The following FAS variants were observed in gnomAD, a reference collection of about 807,000 sequenced individuals.
FAS encodes the protein Fas cell surface death receptor.
Under a neutral mutation model 33.2 loss-of-function variants are expected in FAS, and 5 were observed. That is an observed-to-expected ratio of 0.15 (90% CI 0.08 to 0.32). The LOEUF (loss-of-function observed/expected upper bound fraction) is 0.32, where lower values mean the gene tolerates loss of function less well. Among genes scored for constraint, FAS ranks in the 10% least tolerant of loss-of-function variants. The probability of loss-of-function intolerance (pLI) is 1.00; values close to 1 mark genes in which losing one functional copy is unlikely to be tolerated. For missense variants in FAS, 339 were observed against 386.0 expected (o/e 0.88, Z 1.02); for synonymous variants, 131 against 130.7 (o/e 1.00, Z -0.01).
chr10:88,984,690 C>A (rs999516469), upstream of FAS, among the ~76,000 whole-genome samples: 4 of 151,602 alleles, frequency 2.6e-5, no homozygotes, highest in Non-Finnish European at 5.9e-5. Flanking sequence ...TTTAGTTATT[C>A]ATGAAACCAC....
Position 88,994,890 on chromosome 10 carries a change from C to CAT in FAS, c.30+3995_30+3996dup, listed in dbSNP as rs554650902. Among the ~76,000 whole-genome samples, 245 of 149,960 alleles carry CAT rather than the reference C, an allele frequency of 1.6e-3. 1 individual carries two copies. The highest frequency in any genetic ancestry group is 2.8e-3 in the Non-Finnish European group (192 of 67,512). The stretch of plus-strand genomic sequence containing the variant: ...AGCATTTCTTAAATGTACTGGGATA[C>CAT]ATATATATATATGACTTTTTCTTGT... On this transcript the variant is annotated intron_variant, in intron 1 of 8. Coordinates refer to ENST00000652046, the MANE Select transcript of FAS (RefSeq NM_000043.6).
upstream of FAS, chr10:88,990,466 C>T: frequency 1.9e-6 from 1 of 525,108 alleles, no homozygotes. This position sits in a 1 kb window ranked among gnomAD's most constrained non-coding sequence, Gnocchi z 4.9. Flanking sequence ...AGGAACGCCC[C>T]GGGACAGGAA....
At chr10:88,964,189 C>T (rs1035151823) in intron 1 of FAS, among the ~76,000 whole-genome samples, 1 of 151,982 alleles carries the variant, frequency 6.6e-6, no homozygotes, top group African/African-American at 2.4e-5. Flanking sequence ...AAAGAATTCT[C>T]TCTCTATTCT....
At chr10:88,984,422 CA>C (rs1846812693), upstream of FAS, among the ~76,000 whole-genome samples, 2 of 152,270 alleles carry the variant, frequency 1.3e-5, no homozygotes, top group South Asian at 4.1e-4. Context: ...ACCCCACAGT[CA>C]TGAAGGGCCT....
At chr10:88,989,754 T>C (rs1847055149), upstream of FAS, among the ~76,000 whole-genome samples, 1 of 152,150 alleles carries the variant, frequency 6.6e-6, no homozygotes, top group Non-Finnish European at 1.5e-5. Flanking sequence ...ATGGGTTGAA[T>C]CTAATTGGGA....
intron 2 of FAS, chr10:88,973,610 C>A: frequency 4.4e-6 from 1 of 226,888 alleles, no homozygotes; most frequent in Non-Finnish European, 8.5e-6. Flanking sequence ...ATTCATTCTT[C>A]AGATTCAAAA....
At chr10:88,991,035 G>A in intron 1 of FAS, 129 bp downstream of exon 1, 1 of 1,302,140 alleles carries the variant, frequency 7.7e-7, no homozygotes, top group Non-Finnish European at 1.1e-6. Flanking sequence ...GGAGCGGCGG[G>A]CTGCTGCGGG....
exon 2 of FAS, chr10:88,973,251 G>A: frequency 6.2e-7 from 1 of 1,612,542 alleles, no homozygotes; most frequent in Non-Finnish European, 8.5e-7. Context: ...AATTGGCTAT[G>A]GACCAAATGG....
intron 1 of FAS, among the ~76,000 whole-genome samples, chr10:88,994,114 C>A (rs1847435994): frequency 6.6e-6 from 1 of 152,208 alleles, no homozygotes; most frequent in Non-Finnish European, 1.5e-5. Flanking sequence ...CTCTTTGAGA[C>A]ACTGGACAAG....
chr10:89,002,780 C>T, intron 1 of FAS: 1 of 485,914 alleles, frequency 2.1e-6, no homozygotes, highest in Non-Finnish European at 3.8e-6. Context: ...AGGCCCTGTT[C>T]ACCTTAGAAC....
At chr10:89,002,696 C>T (rs911685063) in intron 1 of FAS, 1 of 348,232 alleles carries the variant, frequency 2.9e-6, no homozygotes, top group South Asian at 2.6e-5. Context: ...GAGGTTATTT[C>T]CACTTATAGA....
intron 1 of FAS, among the ~76,000 whole-genome samples, chr10:88,966,186 A>G (rs1196868374): frequency 6.6e-6 from 1 of 152,234 alleles, no homozygotes; most frequent in Non-Finnish European, 1.5e-5. Flanking sequence ...TAAGAAGGGA[A>G]TGTGATACTG....
chr10:89,013,241 G>A lies in FAS; in HGVS notation c.652-102G>A, dbSNP rs61121350. On this transcript the variant is annotated intron_variant, in intron 7 of 8. Coordinates refer to ENST00000652046, the MANE Select transcript of FAS (RefSeq NM_000043.6). ...AATTTTATACATCAAGCAACTGATT[G>A]TACTTCTTTCTGAATTAAGGAAAAA... The A allele has an allele frequency of 5.2e-4, 582 of 1,122,808 alleles. 3 individuals carry two copies. In the African/African-American group the frequency reaches 8.0e-3, roughly 15 times the overall value. 69.6% of individuals were successfully genotyped at this position (1,122,808 alleles called of 1,614,324 possible). A position where few individuals can be genotyped will look rare whatever the true frequency, so the allele number is the denominator to read the frequency against.
chr10:89,006,798 AT>A (rs1848253073), intron 2 of FAS, among the ~76,000 whole-genome samples: 1 of 152,236 alleles, frequency 6.6e-6, no homozygotes, highest in Non-Finnish European at 1.5e-5. Context: ...CTCAATAGGC[AT>A]TTAATAAACA....
chr10:88,971,157 A>G (rs1005809666), intron 1 of FAS, among the ~76,000 whole-genome samples: 6 of 152,248 alleles, frequency 3.9e-5, no homozygotes, highest in African/African-American at 1.4e-4. Flanking sequence ...TGTACCAAGC[A>G]TTTGAGCTGG....
chr10:89,007,591 C>T (rs748409562), intron 2 of FAS, 109 bp from the exon 3 acceptor site: 5 of 1,410,396 alleles, frequency 3.5e-6, no homozygotes, highest in East Asian at 2.6e-5. Flanking sequence ...CCTACCCCCC[C>T]TCCCCTTGTG....
intron 3 of FAS, among the ~76,000 whole-genome samples, chr10:89,008,482 A>G (rs1848359881): frequency 6.6e-6 from 1 of 152,218 alleles, no homozygotes; most frequent in Non-Finnish European, 1.5e-5. Context: ...TTTAGGTCCC[A>G]TCTCAGGGCA....
Position 88,990,955 on chromosome 10 carries a change from G to T in FAS, c.30+49G>T, listed in dbSNP as rs1475203128. 2 of 1,613,714 alleles carry T rather than the reference G, an allele frequency of 1.2e-6. No homozygotes were observed. Among genetic ancestry groups the T allele is most frequent in the Non-Finnish European group, 1.7e-6 (2 of 1,179,664 alleles). On this transcript the variant is annotated intron_variant, in intron 1 of 8. Transcript: ENST00000652046. The surrounding 1 kb of genome is among the most constrained non-coding windows in gnomAD (Gnocchi z 4.9). ...GAGGCTTACCCCGTCTTAGTCCCGGGGATAGGCAAAGTGGGGCGGGCGCGG... is the reference window on the plus strand; with the variant it reads ...GAGGCTTACCCCGTCTTAGTCCCGGTGATAGGCAAAGTGGGGCGGGCGCGG...
chr10:88,992,585 A>G (rs565544568), intron 1 of FAS: 1 of 152,238 alleles, frequency 6.6e-6, no homozygotes, highest in East Asian at 1.9e-4. Flanking sequence ...ATGTATATAT[A>G]CATATTATAA....
Sources: gnomAD v4.1 joint callset for allele counts (sites outside exome capture counted in the v4.1 genomes callset) on GRCh38, gnomAD v4.1.1 for gene constraint, Gnocchi (gnomAD v3.1) non-coding constraint, MANE v1.5 for transcripts, NCBI Gene and HGNC (gene_info 2026-07-23, HGNC 2026-07-21) for gene names.